The following CTNNA2 variants were observed in gnomAD, a reference collection of about 807,000 sequenced individuals.
The protein encoded by CTNNA2 is catenin alpha 2.
CTNNA2 carries 42 observed loss-of-function variants against 101.0 expected under a neutral mutation model. The observed-to-expected ratio is 0.42, with a 90% CI of 0.32 to 0.54. The LOEUF (loss-of-function observed/expected upper bound fraction) is 0.54. Ranked by LOEUF, CTNNA2 falls within the 20% of genes least tolerant of loss-of-function variation. The pLI, the probability that CTNNA2 is intolerant of heterozygous loss-of-function variation, is 0.14. For synonymous variants in CTNNA2, 450 were observed against 456.4 expected (o/e 0.99, Z 0.18); for missense variants, 871 against 1,223.1 (o/e 0.71, Z 4.29).
At chr2:80,643,638 T>TG (rs1055512986) in intron 18 of CTNNA2, among the ~76,000 whole-genome samples, 3 of 151,886 alleles carry the variant, frequency 2.0e-5, no homozygotes, top group Non-Finnish European at 4.4e-5. Flanking sequence ...GGCTGAGAGG[T>TG]GGTTGATTTT....
chr2:80,571,587 A>G (rs1460885577), intron 12 of CTNNA2, among the ~76,000 whole-genome samples: 1 of 152,012 alleles, frequency 6.6e-6, no homozygotes, highest in African/African-American at 2.4e-5. Flanking sequence ...TAAATAATGC[A>G]CAGTTTTCAT....
At chr2:80,642,145 T>G (rs765859418) in intron 18 of CTNNA2, among the ~76,000 whole-genome samples, 5 of 152,146 alleles carry the variant, frequency 3.3e-5, no homozygotes, top group African/African-American at 4.8e-5. Context: ...TTGAGAGCAT[T>G]GATGTATACT....
chr2:80,582,940 T>C (rs919688504), intron 14 of CTNNA2, among the ~76,000 whole-genome samples: 7 of 152,164 alleles, frequency 4.6e-5, no homozygotes, highest in African/African-American at 7.2e-5. Context: ...GTTTCTCTTA[T>C]GTGCTTTATG....
chr2:79,486,078 TTTA>T lies in CTNNA2; in HGVS notation c.-134-18965_-134-18963del, dbSNP rs747342434. Among the ~76,000 whole-genome samples the T allele has an allele frequency of 1.1e-4, 17 of 151,928 alleles. No homozygotes were observed. In the East Asian group the frequency reaches 2.3e-3, roughly 21 times the overall value. ...TTTAAAATGATTTATTTTATTTTAT[TTTA>T]TTATTATTATACTTTAAGTTTTAGG... On this transcript the variant is annotated intron_variant, in intron 4 of 21. Transcript: ENST00000466387.
At position 80,591,856 on chromosome 2, in the gene CTNNA2, T is replaced by A. The variant is rs117898531; in HGVS notation, c.2189+2371T>A. ...TGGGAGGGTTCTGCCTCATTATATGTGTAATAACTTCTTCATGGAAGATAA... is the reference window on the plus strand; with the variant it reads ...TGGGAGGGTTCTGCCTCATTATATGAGTAATAACTTCTTCATGGAAGATAA... On this transcript the variant is annotated intron_variant, in intron 15 of 18. Coordinates refer to ENST00000402739, the MANE Select transcript of CTNNA2 (RefSeq NM_001282597.3). Among the ~76,000 whole-genome samples the A allele has an allele frequency of 7.9e-4, 121 of 152,306 alleles. 1 individual carries two copies. The East Asian group carries it at 0.021, about 26-fold the overall frequency.
intron 2 of CTNNA2, among the ~76,000 whole-genome samples, chr2:79,674,553 T>A (rs1683061326): frequency 6.6e-6 from 1 of 152,182 alleles, no homozygotes. Flanking sequence ...AATACCCTAT[T>A]AGATAATAGG....
chr2:79,788,991 A>G (rs1675062851), intron 3 of CTNNA2, among the ~76,000 whole-genome samples: 1 of 151,996 alleles, frequency 6.6e-6, no homozygotes, highest in Non-Finnish European at 1.5e-5. Flanking sequence ...ATGATACACC[A>G]TGTCAGCTGT....
intron 7 of CTNNA2, among the ~76,000 whole-genome samples, chr2:80,382,456 A>T (rs1676603196): frequency 6.6e-6 from 1 of 152,216 alleles, no homozygotes; most frequent in African/African-American, 2.4e-5. Context: ...TCGGAAATTC[A>T]ATTAACAATG....
At chr2:79,262,034 A>G (rs1225104149) in intron 2 of CTNNA2, among the ~76,000 whole-genome samples, 1 of 152,198 alleles carries the variant, frequency 6.6e-6, no homozygotes, top group Non-Finnish European at 1.5e-5. Context: ...AGGTCTGGGC[A>G]TATTAATTCT....
chr2:80,476,751 G>A (rs1685762842), intron 9 of CTNNA2, among the ~76,000 whole-genome samples: 1 of 152,152 alleles, frequency 6.6e-6, no homozygotes, highest in Admixed American at 6.6e-5. Context: ...CTTTGGGAAT[G>A]AAGGGGGCAT....
intron 1 of CTNNA2, among the ~76,000 whole-genome samples, chr2:79,616,988 A>G (rs189479130): frequency 0.025 from 3,784 of 149,156 alleles, 156 homozygotes; most frequent in African/African-American, 0.089. Context: ...TGCAACCTCC[A>G]CCTCCCGGGT....
At chr2:80,461,269 C>A (rs1043968402) in intron 9 of CTNNA2, among the ~76,000 whole-genome samples, 2 of 152,142 alleles carry the variant, frequency 1.3e-5, no homozygotes, top group Non-Finnish European at 2.9e-5. Flanking sequence ...TCCCCCATGC[C>A]TGACATGATG....
chr2:80,063,669 C>T (rs1697768651), intron 7 of CTNNA2, among the ~76,000 whole-genome samples: 2 of 152,226 alleles, frequency 1.3e-5, no homozygotes, highest in African/African-American at 4.8e-5. Flanking sequence ...AGAGAACATG[C>T]AAACTATTAA....
chr2:80,632,173 G>C (rs1188913627), intron 18 of CTNNA2, among the ~76,000 whole-genome samples: 2 of 151,934 alleles, frequency 1.3e-5, no homozygotes, highest in African/African-American at 4.8e-5. Flanking sequence ...TGTGGTTCTA[G>C]CCTTAGTGGA....
At chr2:79,231,775 T>C (rs1674496490) in intron 2 of CTNNA2, among the ~76,000 whole-genome samples, 1 of 152,092 alleles carries the variant, frequency 6.6e-6, no homozygotes. Context: ...ACTTTTTACC[T>C]CCTTAGTAAG....
At chr2:80,368,884 T>TATATATATA (rs1675196348) in intron 7 of CTNNA2, among the ~76,000 whole-genome samples, 4 of 150,432 alleles carry the variant, frequency 2.7e-5, no homozygotes, top group Non-Finnish European at 5.9e-5. Flanking sequence ...TATATATATA[T>TATATATATA]TTGGCACGCT....
At chr2:80,030,075 T>C (rs1338160036) in intron 7 of CTNNA2, among the ~76,000 whole-genome samples, 1 of 151,992 alleles carries the variant, frequency 6.6e-6, no homozygotes, top group Non-Finnish European at 1.5e-5. Flanking sequence ...AACAGCAAGC[T>C]CATGCAAACA....
intron 3 of CTNNA2, among the ~76,000 whole-genome samples, chr2:79,341,139 G>A (rs1573097834): frequency 6.6e-6 from 1 of 152,226 alleles, no homozygotes; most frequent in Non-Finnish European, 1.5e-5. Flanking sequence ...CAACTGGTGA[G>A]TGAGTTAGGA....
At chr2:79,767,809 T>C (rs1161538383) in intron 3 of CTNNA2, among the ~76,000 whole-genome samples, 1 of 151,516 alleles carries the variant, frequency 6.6e-6, no homozygotes, top group East Asian at 2.0e-4. Flanking sequence ...GTATCCAAGA[T>C]GCAAGGCAAA....
Sources: allele counts gnomAD v4.1 joint callset (sites outside exome capture counted in the v4.1 genomes callset), GRCh38; gene constraint gnomAD v4.1.1; transcripts MANE v1.5; gene names NCBI Gene and HGNC (gene_info 2026-07-23, HGNC 2026-07-21).